Variants in LIMCH1 observed in about 807,000 individuals in gnomAD.
LIMCH1 encodes the protein LIM and calponin homology domains 1.
In LIMCH1, 113 loss-of-function variants were observed where a neutral mutation model predicts 176.5. The observed-to-expected ratio is 0.64, with a 90% CI of 0.55 to 0.75. LIMCH1 has a LOEUF of 0.75. LIMCH1 is among the 30% of genes least tolerant of loss of function. The pLI, the probability that LIMCH1 is intolerant of heterozygous loss-of-function variation, is 0.00. For missense variants in LIMCH1, 1,674 were observed against 1,814.9 expected, an observed-to-expected ratio of 0.92 and a Z score of 1.41; for synonymous variants, 619 against 645.9, an observed-to-expected ratio of 0.96 and a Z score of 0.63.
intron 1 of LIMCH1, among the ~76,000 whole-genome samples, chr4:41,556,563 A>G (rs4308395): frequency 0.12 from 18,031 of 151,916 alleles, 1,381 homozygotes; most frequent in African/African-American, 0.21. Context: ...GTTTACATCT[A>G]TTGCTTGGAC....
rs967229199 is a variant in LIMCH1, at chr4:41,467,204, C to T, written c.97-27332C>T. On this transcript the variant is annotated intron_variant, in intron 1 of 26. Coordinates refer to the LIMCH1 transcript ENST00000313860. ...ACACACACACACACACACACACACA[C>T]ATTTTATTTATCCATGCATCCATCA... Among the ~76,000 whole-genome samples the T allele has an allele frequency of 4.1e-5, 6 of 144,722 alleles. No individual in the cohort carries two copies. The South Asian group carries it at 8.8e-4, about 21-fold the overall frequency. The allele number at this position is 144,722 out of a possible 152,430, so 94.9% of individuals were successfully genotyped here.
chr4:41,672,410 T>C (rs1373005322), intron 22 of LIMCH1, among the ~76,000 whole-genome samples: 2 of 152,156 alleles, frequency 1.3e-5, no homozygotes, highest in African/African-American at 4.8e-5. Flanking sequence ...GAAGAATTAG[T>C]ATTAAAACTG....
At chr4:41,547,454 G>C (rs976816350) in intron 1 of LIMCH1, among the ~76,000 whole-genome samples, 3 of 151,660 alleles carry the variant, frequency 2.0e-5, no homozygotes, top group African/African-American at 7.3e-5. Context: ...ATTAACTGCA[G>C]AGGCCCAGCT....
chr4:41,668,573 A>G (rs1312709495), intron 21 of LIMCH1, among the ~76,000 whole-genome samples: 2 of 152,214 alleles, frequency 1.3e-5, no homozygotes, highest in Non-Finnish European at 2.9e-5. Context: ...GAATTGAGAA[A>G]CTTTACTTCA....
chr4:41,363,191 A>C (rs2052412857), intron 1 of LIMCH1, among the ~76,000 whole-genome samples: 2 of 152,162 alleles, frequency 1.3e-5, no homozygotes, highest in Admixed American at 1.3e-4. Context: ...AGAAGTTGTA[A>C]CAGATGGTTT....
intron 3 of LIMCH1, among the ~76,000 whole-genome samples, chr4:41,528,745 A>G (rs1467677955): frequency 2.0e-5 from 3 of 152,212 alleles, no homozygotes; most frequent in African/African-American, 7.2e-5. Flanking sequence ...AAGCCAATCC[A>G]TTAAGATGGC....
At chr4:41,375,131 T>C (rs2054541877) in intron 1 of LIMCH1, among the ~76,000 whole-genome samples, 1 of 152,132 alleles carries the variant, frequency 6.6e-6, no homozygotes, top group Non-Finnish European at 1.5e-5. Context: ...TTATTAAAAA[T>C]GTGGTAATAT....
chr4:41,498,425 G>A (rs2154177643), intron 2 of LIMCH1, among the ~76,000 whole-genome samples: 1 of 152,306 alleles, frequency 6.6e-6, no homozygotes, highest in East Asian at 1.9e-4. Context: ...CCTGTGCCCA[G>A]TGGAATGGCA....
At chr4:41,466,437 A>G (rs2066131581) in intron 1 of LIMCH1, among the ~76,000 whole-genome samples, 1 of 152,248 alleles carries the variant, frequency 6.6e-6, no homozygotes, top group African/African-American at 2.4e-5. Flanking sequence ...ATTATGTGCA[A>G]TCAGATTGAG....
At chr4:41,662,796 G>A (rs201990911) in intron 19 of LIMCH1, 25 bp from the exon 20 acceptor site, 40 of 1,548,628 alleles carry the variant, frequency 2.6e-5, no homozygotes, top group African/African-American at 1.3e-4. Context: ...CCTTCTGTAC[G>A]TTTCTGGATG....
At chr4:41,667,888 T>G (rs77672227) in intron 21 of LIMCH1, among the ~76,000 whole-genome samples, 11,486 of 151,864 alleles carry the variant, frequency 0.076, 531 homozygotes, top group South Asian at 0.14. Flanking sequence ...TCCCAATACT[T>G]TGGGAGGCCG....
At position 41,644,540 on chromosome 4, in the gene LIMCH1, G is replaced by A. The variant is rs368631155; in HGVS notation, c.2167G>A (p.Ala723Thr). ...MFDMRCEEEAAVQPHSRARQE... is the reference protein window; with the variant it reads ...MFDMRCEEEATVQPHSRARQE... ...TGACATGCGGTGTGAGGAGGAGGCCGCGGTGCAGCCGCACAGCAGGGCCCG... is the reference window on the plus strand; with the variant it reads ...TGACATGCGGTGTGAGGAGGAGGCCACGGTGCAGCCGCACAGCAGGGCCCG... The change falls in exon 15 of 32, where the codon GCG becomes ACG. Residue 723 changes from alanine to threonine, a missense_variant. Physicochemically the swap from Ala to Thr is moderately conservative, Grantham distance 58. This residue lies in a region of LIMCH1 where 1,015 missense variants were observed against 1,102.5 expected (regional missense o/e 0.92). Coordinates refer to ENST00000503057, the MANE Select transcript of LIMCH1 (RefSeq NM_001330672.2). 1 of 1,598,372 alleles carries A rather than the reference G, an allele frequency of 6.3e-7. No homozygotes were observed. Among genetic ancestry groups the A allele is most frequent in the African/African-American group, 1.3e-5 (1 of 74,440 alleles).
intron 1 of LIMCH1, among the ~76,000 whole-genome samples, chr4:41,491,928 C>T (rs910856475): frequency 1.1e-4 from 16 of 149,894 alleles, no homozygotes; most frequent in Non-Finnish European, 1.5e-4. Context: ...ACGGGGCGGC[C>T]GGGCAGAGGG....
intron 2 of LIMCH1, among the ~76,000 whole-genome samples, chr4:41,498,752 A>G (rs141218814): frequency 1.3e-5 from 2 of 152,324 alleles, no homozygotes; most frequent in Non-Finnish European, 2.9e-5. Context: ...TTCCCTGCAC[A>G]TACACCGGCC....
Position 41,410,104 on chromosome 4 carries a change from G to GA in LIMCH1, c.96+49177dup, listed in dbSNP as rs201010180. On this transcript the variant is annotated intron_variant, in intron 1 of 26. Transcript: ENST00000313860. ...TACCCAAATCCTTTTATGTAAACTG[G>GA]AAAAAAAAATCAGATTCTGAATGAA... Among the ~76,000 whole-genome samples, 1,364 of 150,808 alleles carry GA rather than the reference G, an allele frequency of 9.0e-3. 23 individuals carry two copies. Among genetic ancestry groups the GA allele is most frequent in the African/African-American group, 0.031 (1,269 of 41,148 alleles).
At chr4:41,525,230 G>C (rs1249836923) in intron 3 of LIMCH1, among the ~76,000 whole-genome samples, 1 of 152,152 alleles carries the variant, frequency 6.6e-6, no homozygotes, top group East Asian at 1.9e-4. Flanking sequence ...ATATGTGTGT[G>C]TGCGTGCACA....
chr4:41,533,786 G>A (rs372541037), upstream of LIMCH1, among the ~76,000 whole-genome samples: 10 of 152,156 alleles, frequency 6.6e-5, no homozygotes, highest in Non-Finnish European at 1.0e-4. Flanking sequence ...TGAACAGGGC[G>A]TCTACAAATA....
intron 18 of LIMCH1, among the ~76,000 whole-genome samples, chr4:41,652,174 T>C (rs2094324192): frequency 6.6e-6 from 1 of 152,232 alleles, no homozygotes; most frequent in African/African-American, 2.4e-5. Context: ...GTGACCCAGC[T>C]AGCTAAAACC....
At chr4:41,492,319 G>A (rs992845601) in intron 1 of LIMCH1, among the ~76,000 whole-genome samples, 8 of 152,054 alleles carry the variant, frequency 5.3e-5, no homozygotes, top group Non-Finnish European at 1.2e-4. Context: ...GAGAATCACC[G>A]GAGCCCGAGG....
Sources: allele counts gnomAD v4.1 joint callset (sites outside exome capture counted in the v4.1 genomes callset), GRCh38; gene constraint gnomAD v4.1.1; regional missense constraint gnomAD v4.1.1; transcripts MANE v1.5; gene names NCBI Gene and HGNC (gene_info 2026-07-23, HGNC 2026-07-21).